The following RORA variants were observed in gnomAD, a reference collection of about 807,000 sequenced individuals.
RORA encodes nuclear receptor ROR-alpha.
RORA carries 7 observed loss-of-function variants against 69.5 expected under a neutral mutation model. The observed-to-expected ratio is 0.10, with a 90% CI of 0.06 to 0.19. RORA has a LOEUF of 0.19. Ranked by LOEUF, RORA falls within the 10% of genes least tolerant of loss-of-function variation. The probability of loss-of-function intolerance (pLI) is 1.00; values close to 1 mark genes in which losing one functional copy is unlikely to be tolerated. For synonymous variants in RORA, 261 were observed against 240.8 expected, an observed-to-expected ratio of 1.08 and a Z score of -0.78; for missense variants, 457 against 663.0, an observed-to-expected ratio of 0.69 and a Z score of 3.41.
At chr15:60,864,752 T>C (rs2073469101) in intron 1 of RORA, among the ~76,000 whole-genome samples, 1 of 152,190 alleles carries the variant, frequency 6.6e-6, no homozygotes, top group Non-Finnish European at 1.5e-5. Flanking sequence ...ACATGATCTA[T>C]CAGGAAGGAA....
Position 61,147,764 on chromosome 15 carries a change from C to CACGTGTGTGTGTGTGT in RORA, c.166+81288_166+81289insACACACACACACACGT, listed in dbSNP as rs1491436483. On this transcript the variant is annotated intron_variant, in intron 1 of 10. Coordinates refer to ENST00000335670, the MANE Select transcript of RORA (RefSeq NM_134261.3). The surrounding 1 kb of genome is among the most constrained non-coding windows in gnomAD (Gnocchi z 4.1). ...GATGGTCAGTAGGCACGTGCGCACA[C>CACGTGTGTGTGTGTGT]GCGTGTGTGTGTGTGTGTGTGTGTG... 3.0e-5 allele frequency among the ~76,000 whole-genome samples: 1 copy of CACGTGTGTGTGTGTGT among 33,584 alleles called. No individual in the cohort carries two copies. The highest frequency in any genetic ancestry group is 1.1e-4 in the Non-Finnish European group (1 of 9,454). The allele number at this position is 33,584 out of a possible 152,430, so 22.0% of individuals were successfully genotyped here.
chr15:61,118,227 T>C (rs781354450), intron 1 of RORA, among the ~76,000 whole-genome samples: 2 of 152,002 alleles, frequency 1.3e-5, no homozygotes, highest in Admixed American at 6.6e-5. Context: ...GGGTTTCAAG[T>C]TTTCTTAAGG....
At chr15:61,108,353 G>T (rs2078971142) in intron 1 of RORA, among the ~76,000 whole-genome samples, 1 of 152,130 alleles carries the variant, frequency 6.6e-6, no homozygotes, top group Non-Finnish European at 1.5e-5. Context: ...CTTTTAAAAA[G>T]CTGATCCCCT....
chr15:60,752,829 T>C (rs990486856), intron 1 of RORA, among the ~76,000 whole-genome samples: 1 of 152,168 alleles, frequency 6.6e-6, no homozygotes, highest in African/African-American at 2.4e-5. Flanking sequence ...TCCGTCTGTC[T>C]GTGGGAGAAA....
At chr15:61,184,839 G>T (rs2079724128) in intron 1 of RORA, among the ~76,000 whole-genome samples, 1 of 151,858 alleles carries the variant, frequency 6.6e-6, no homozygotes, top group South Asian at 2.1e-4. Flanking sequence ...ATAAAAATTG[G>T]CTGGGCATGG....
In RORA at chr15:60,938,740, A is replaced by AT. The variant is rs1566916840; in HGVS notation, c.167-260055_167-260054insA. ...GCACAGTGAGACCTCATCTAAAAAAAATTTTTTTTAATACTGGGAAAAATA... is the reference window on the plus strand; with the variant it reads ...GCACAGTGAGACCTCATCTAAAAAAATATTTTTTTTAATACTGGGAAAAATA... On this transcript the variant is annotated intron_variant, in intron 1 of 10. Transcript: ENST00000335670. Among the ~76,000 whole-genome samples the AT allele has an allele frequency of 3.2e-4, 23 of 71,792 alleles. No homozygotes were observed. In the East Asian group the frequency reaches 4.1e-3, roughly 13 times the overall value. The allele number at this position is 71,792 out of a possible 152,430, so 47.1% of individuals were successfully genotyped here.
At chr15:60,799,727 C>T (rs2072551915) in intron 1 of RORA, among the ~76,000 whole-genome samples, 1 of 152,002 alleles carries the variant, frequency 6.6e-6, no homozygotes, top group Non-Finnish European at 1.5e-5. Context: ...CTTACTTTCC[C>T]CTGCAATCTG....
intron 2 of RORA, chr15:60,556,980 G>C (rs1443506781): frequency 6.7e-7 from 1 of 1,484,258 alleles, no homozygotes; most frequent in Non-Finnish European, 9.4e-7. Flanking sequence ...AGATTTATCA[G>C]AGCATGTATT....
At chr15:60,731,089 T>C (rs564368194) in intron 1 of RORA, among the ~76,000 whole-genome samples, 1 of 152,260 alleles carries the variant, frequency 6.6e-6, no homozygotes, top group East Asian at 1.9e-4. Context: ...TGTCATATAT[T>C]GAGGCTAACC....
At position 60,858,400 on chromosome 15, in the gene RORA, T is replaced by C. The variant is rs2073402877; in HGVS notation, c.167-179714A>G. The stretch of plus-strand genomic sequence containing the variant: ...AGTGGCAGGGCCAAGACAGGACACA[T>C]GCAGTGAAGAAAAAAGACCAGGGAC... On this transcript the variant is annotated intron_variant, in intron 1 of 10. Transcript: ENST00000335670. Among the ~76,000 whole-genome samples, 2 of 152,128 alleles carry C rather than the reference T, an allele frequency of 1.3e-5. 1 individual carries two copies. The highest frequency in any genetic ancestry group is 4.1e-4 in the South Asian group (2 of 4,830).
intron 2 of RORA, among the ~76,000 whole-genome samples, chr15:60,577,450 C>T (rs889938215): frequency 6.6e-6 from 1 of 152,084 alleles, no homozygotes; most frequent in Non-Finnish European, 1.5e-5. Flanking sequence ...TCGAGACCAG[C>T]CTGGCCAACA....
intron 1 of RORA, among the ~76,000 whole-genome samples, chr15:60,964,169 C>G (rs528005166): frequency 6.6e-6 from 1 of 152,348 alleles, no homozygotes; most frequent in East Asian, 1.9e-4. Flanking sequence ...AGAAGTTCAT[C>G]TGATTCCTAC....
At chr15:60,637,914 A>T (rs1436865262) in intron 2 of RORA, among the ~76,000 whole-genome samples, 2 of 152,114 alleles carry the variant, frequency 1.3e-5, no homozygotes, top group Admixed American at 6.5e-5. Context: ...GTCTAAAATT[A>T]TTGGAGAAAG....
chr15:61,009,244 C>CG (rs1056693338), intron 1 of RORA, among the ~76,000 whole-genome samples: 2 of 152,098 alleles, frequency 1.3e-5, no homozygotes, highest in African/African-American at 4.8e-5. Context: ...TAGCCCATTC[C>CG]GGGGGAGGGA....
rs1194371038 is a variant in RORA at position 61,203,390 on chromosome 15, G to GT, written c.166+25662dup. ...GTTCTCTGTCTTGATCTGAGTGATGGTTTCATGAGTGTTTTCCCATGTAAA... is the reference window on the plus strand; with the variant it reads ...GTTCTCTGTCTTGATCTGAGTGATGGTTTTCATGAGTGTTTTCCCATGTAAA... On this transcript the variant is annotated intron_variant, in intron 1 of 10. Transcript: ENST00000335670. Among the ~76,000 whole-genome samples, 7 of 152,190 alleles carry GT rather than the reference G, an allele frequency of 4.6e-5. No homozygotes were observed. In the East Asian group the frequency reaches 1.3e-3, roughly 29 times the overall value.
chr15:60,625,226 C>G (rs1596074008), intron 2 of RORA, among the ~76,000 whole-genome samples: 1 of 152,138 alleles, frequency 6.6e-6, no homozygotes, highest in East Asian at 1.9e-4. Context: ...ACAACAACAA[C>G]AGAAAAAAGG....
intron 1 of RORA, among the ~76,000 whole-genome samples, chr15:61,043,354 T>C (rs1270110714): frequency 6.6e-6 from 1 of 152,146 alleles, no homozygotes; most frequent in African/African-American, 2.4e-5. Context: ...ATCTCACAGA[T>C]GAGAACTCCA....
chr15:60,835,920 C>A (rs2073108944), intron 1 of RORA, among the ~76,000 whole-genome samples: 1 of 152,176 alleles, frequency 6.6e-6, no homozygotes, highest in South Asian at 2.1e-4. Flanking sequence ...AAACAAATAG[C>A]TTCCCTGGTA....
chr15:60,685,430 T>C (rs2140762966), intron 1 of RORA, among the ~76,000 whole-genome samples: 1 of 152,320 alleles, frequency 6.6e-6, no homozygotes, highest in East Asian at 1.9e-4. Flanking sequence ...TAATAATTGT[T>C]TTCTAAAGAA....
Sources: allele counts gnomAD v4.1 joint callset (sites outside exome capture counted in the v4.1 genomes callset), GRCh38; gene constraint gnomAD v4.1.1; non-coding constraint Gnocchi (gnomAD v3.1); transcripts MANE v1.5; gene names NCBI Gene and HGNC (gene_info 2026-07-23, HGNC 2026-07-21).